The following IL18RAP variants were observed in gnomAD, a reference collection of about 807,000 sequenced individuals.
IL18RAP encodes interleukin 18 receptor accessory protein.
IL18RAP carries 37 observed loss-of-function variants against 58.1 expected under a neutral mutation model. That is an observed-to-expected ratio of 0.64 (90% CI 0.49 to 0.84). The LOEUF (loss-of-function observed/expected upper bound fraction) is 0.84. Ranked by LOEUF, IL18RAP falls within the 40% of genes least tolerant of loss-of-function variation. The pLI is 0.00. For synonymous variants in IL18RAP, 268 were observed against 257.5 expected (o/e 1.04, Z -0.39); for missense variants, 667 against 704.8 (o/e 0.95, Z 0.61).
At chr2:102,427,253 CT>C (rs1265097249) in intron 3 of IL18RAP, among the ~76,000 whole-genome samples, 2 of 152,110 alleles carry the variant, frequency 1.3e-5, no homozygotes, top group Non-Finnish European at 2.9e-5. Flanking sequence ...ATTTCAATCT[CT>C]TTGGATATGT....
chr2:102,441,442 A>G (rs1683098190), intron 5 of IL18RAP, 65 bp downstream of exon 5: 1 of 1,240,384 alleles, frequency 8.1e-7, no homozygotes, highest in East Asian at 2.3e-5. Flanking sequence ...AGTGTGATAG[A>G]AGGAAAACAG....
intron 4 of IL18RAP, among the ~76,000 whole-genome samples, chr2:102,438,454 G>A (rs967345562): frequency 4.6e-5 from 7 of 152,136 alleles, no homozygotes; most frequent in African/African-American, 1.7e-4. Context: ...TAGATTACAT[G>A]TTATATAGAT....
chr2:102,445,957 G>A, intron 7 of IL18RAP, among the ~76,000 whole-genome samples: 1 of 152,216 alleles, frequency 6.6e-6, no homozygotes, highest in East Asian at 1.9e-4. Context: ...AGGTTTGAAT[G>A]TTTCTGAGGC....
chr2:102,430,517 G>A (rs948352348), intron 3 of IL18RAP, among the ~76,000 whole-genome samples: 6 of 152,002 alleles, frequency 3.9e-5, no homozygotes, highest in African/African-American at 7.2e-5. Context: ...GAGACATATT[G>A]TAAATGGTTT....
At chr2:102,422,618 G>A (rs1012014594), upstream of IL18RAP, among the ~76,000 whole-genome samples, 2 of 152,212 alleles carry the variant, frequency 1.3e-5, no homozygotes, top group African/African-American at 4.8e-5. Flanking sequence ...ACACAGCCCA[G>A]ATCTGATTCT....
rs746660045 is a variant in IL18RAP at position 102,424,403 on chromosome 2, A to G, written c.568A>G (p.Thr190Ala). The change falls in exon 3 of 10, where the codon ACC becomes GCC. Residue 190 changes from threonine to alanine, a missense_variant. Transcript: ENST00000687160. ...CQSDAQSPAVTWYKNGKLLSV... is the reference protein window; with the variant it reads ...CQSDAQSPAVAWYKNGKLLSV... Reference sequence around the variant, plus strand: ...AAGTGATGCACAAAGTCCAGCGGTAACCTGGTACAAGGTAAGAGTGAATTC... The same window carrying G: ...AAGTGATGCACAAAGTCCAGCGGTAGCCTGGTACAAGGTAAGAGTGAATTC... 6.2e-6 allele frequency: 10 copies of G among 1,613,606 alleles called. No individual in the cohort carries two copies.
chr2:102,438,161 G>A (rs79486210), intron 4 of IL18RAP, among the ~76,000 whole-genome samples: 1 of 152,072 alleles, frequency 6.6e-6, no homozygotes, highest in South Asian at 2.1e-4. Context: ...GTCTGTTTTT[G>A]TCCTAACCTT....
chr2:102,424,537 G>T (rs1006766100), intron 3 of IL18RAP, 123 bp downstream of exon 3: 1 of 810,532 alleles, frequency 1.2e-6, no homozygotes, highest in Non-Finnish European at 1.9e-6. Context: ...AACTGGCCCT[G>T]TGCCTCTGCA....
At chr2:102,423,721 C>T (rs143062976) in intron 1 of IL18RAP, 90 bp from the exon 2 acceptor site, 4 of 914,426 alleles carry the variant, frequency 4.4e-6, no homozygotes, top group Non-Finnish European at 6.7e-6. Flanking sequence ...GAAGCTAGAT[C>T]TCTTGTTAAA....
At chr2:102,450,793 A>G in intron 8 of IL18RAP, 55 bp from the exon 9 acceptor site, 2 of 1,161,782 alleles carry the variant, frequency 1.7e-6, no homozygotes, top group Non-Finnish European at 2.4e-6. Flanking sequence ...GTGTACCATA[A>G]CAGTAAAAAA....
intron 3 of IL18RAP, among the ~76,000 whole-genome samples, chr2:102,424,936 A>T (rs147656037): frequency 1.6e-4 from 24 of 152,282 alleles, no homozygotes; most frequent in African/African-American, 5.8e-4. Flanking sequence ...GTGCAAATAG[A>T]AAAAGGGAAC....
intron 7 of IL18RAP, 48 bp from the exon 8 acceptor site, chr2:102,447,022 C>A: frequency 1.9e-6 from 3 of 1,595,824 alleles, no homozygotes; most frequent in Non-Finnish European, 2.6e-6. Context: ...TGGTCTTGGT[C>A]CAATCCCGCT....
chr2:102,445,017 T>C (rs1407329182), intron 6 of IL18RAP, among the ~76,000 whole-genome samples, 172 bp from the exon 7 acceptor site: 1 of 152,202 alleles, frequency 6.6e-6, no homozygotes, highest in East Asian at 1.9e-4. Flanking sequence ...AGTCAATAAT[T>C]GAATCAAGAA....
chr2:102,427,891 C>A (rs947969792), intron 3 of IL18RAP, among the ~76,000 whole-genome samples: 3 of 151,550 alleles, frequency 2.0e-5, no homozygotes, highest in Non-Finnish European at 4.4e-5. Flanking sequence ...CTATGAGATA[C>A]AATTTCATTC....
At chr2:102,428,744 G>A (rs2104311340) in intron 3 of IL18RAP, among the ~76,000 whole-genome samples, 1 of 152,042 alleles carries the variant, frequency 6.6e-6, no homozygotes, top group South Asian at 2.1e-4. Flanking sequence ...GTGCTATGAT[G>A]AAACGAGGTA....
upstream of IL18RAP, chr2:102,419,746 GC>G (rs2104274166): frequency 6.6e-6 from 1 of 152,458 alleles, no homozygotes; most frequent in South Asian, 2.1e-4. Context: ...GAAATCAGAA[GC>G]TTTGAGACCC....
At chr2:102,437,895 T>G (rs1263083831) in intron 4 of IL18RAP, among the ~76,000 whole-genome samples, 1 of 152,230 alleles carries the variant, frequency 6.6e-6, no homozygotes, top group African/African-American at 2.4e-5. Context: ...AATATTGTTT[T>G]GAGTTATGAA....
chr2:102,431,429 C>G (rs183114884), intron 3 of IL18RAP, among the ~76,000 whole-genome samples: 96 of 152,300 alleles, frequency 6.3e-4, no homozygotes, highest in African/African-American at 2.3e-3. Flanking sequence ...TGATTGGCAA[C>G]TTCTGAGTTT....
chr2:102,421,643 C>CT (rs1179321108), upstream of IL18RAP, among the ~76,000 whole-genome samples: 1 of 151,996 alleles, frequency 6.6e-6, no homozygotes, highest in African/African-American at 2.4e-5. Flanking sequence ...ATGCAGTGAC[C>CT]TTAACACCTA....
Sources: allele counts gnomAD v4.1 joint callset (sites outside exome capture counted in the v4.1 genomes callset), GRCh38; gene constraint gnomAD v4.1.1; transcripts MANE v1.5; gene names NCBI Gene and HGNC (gene_info 2026-07-23, HGNC 2026-07-21).